The following UQCC4 variants were observed in gnomAD, a reference collection of about 807,000 sequenced individuals.
The protein encoded by UQCC4 is ubiquinol-cytochrome c reductase complex assembly factor 4, also known as cattle cerebrum and skeletal muscle-specific protein 1 family member.
the UQCC4 span, chr16:1,420,634 G>A: frequency 1.3e-6 from 2 of 1,550,878 alleles, no homozygotes; most frequent in Non-Finnish European, 1.7e-6. Context: ...AGAGCAGTAA[G>A]CGCTCCGCCC....
the UQCC4 span, chr16:1,420,707 C>G: frequency 6.5e-7 from 1 of 1,542,754 alleles, no homozygotes; most frequent in East Asian, 2.4e-5. Flanking sequence ...CGCCGGGGCA[C>G]ACAAGACACG....
the UQCC4 span, chr16:1,420,282 C>G: frequency 6.2e-7 from 1 of 1,614,034 alleles, no homozygotes; most frequent in Non-Finnish European, 8.5e-7. Flanking sequence ...GAGTCTCAGG[C>G]TCCTCAGAAC....
the UQCC4 span, chr16:1,420,293 G>A: frequency 1.9e-6 from 3 of 1,614,128 alleles, no homozygotes; most frequent in Non-Finnish European, 2.5e-6. Context: ...TCCTCAGAAC[G>A]ATCACTGGGC....
chr16:1,419,902 A>G, the UQCC4 span: 1 of 1,426,386 alleles, frequency 7.0e-7, no homozygotes, highest in Non-Finnish European at 9.4e-7. Context: ...GCAAACTAAC[A>G]CTGGATGACA....
At chr16:1,419,756 A>G in the UQCC4 span, 10 of 489,690 alleles carry the variant, frequency 2.0e-5, no homozygotes, top group African/African-American at 1.2e-4. Flanking sequence ...ATCTAATCCC[A>G]TATTATAAAA....
the UQCC4 span, chr16:1,419,754 C>T: frequency 1.5e-5 from 7 of 472,852 alleles, no homozygotes; most frequent in Non-Finnish European, 2.3e-5. Flanking sequence ...TCATCTAATC[C>T]CATATTATAA....
the UQCC4 span, chr16:1,420,119 C>G: frequency 6.2e-7 from 1 of 1,613,302 alleles, no homozygotes; most frequent in East Asian, 2.2e-5. Context: ...GCCAAGTGCC[C>G]CATCCACCAG....
the UQCC4 span, chr16:1,420,715 A>G: frequency 4.5e-6 from 7 of 1,541,108 alleles, no homozygotes; most frequent in Admixed American, 2.0e-5. Context: ...CACACAAGAC[A>G]CGATTCATTG....
the UQCC4 span, chr16:1,420,172 T>A: frequency 4.3e-6 from 7 of 1,614,076 alleles, no homozygotes; most frequent in Middle Eastern, 1.6e-4. Flanking sequence ...GCCAGGACAG[T>A]CACGGGCAAA....
chr16:1,420,487 G>A, the UQCC4 span: 2 of 1,614,276 alleles, frequency 1.2e-6, no homozygotes, highest in South Asian at 2.2e-5. Context: ...TTTGCTGGAG[G>A]AAAACTCAAT....
the UQCC4 span, chr16:1,420,198 G>A: frequency 8.7e-6 from 14 of 1,614,004 alleles, no homozygotes; most frequent in Non-Finnish European, 1.1e-5. Flanking sequence ...CATCAAATCC[G>A]AAGGGCGGCT....
chr16:1,419,939 A>G, the UQCC4 span: 3 of 1,500,974 alleles, frequency 2.0e-6, no homozygotes, highest in South Asian at 3.4e-5. Context: ...CTTTGGAAAC[A>G]TGATTATGTT....
At chr16:1,420,060 A>G in the UQCC4 span, 2 of 1,612,632 alleles carry the variant, frequency 1.2e-6, no homozygotes, top group Non-Finnish European at 1.7e-6. Flanking sequence ...GGCGAGGAGC[A>G]GTTTCCGATC....
the UQCC4 span, chr16:1,420,211 C>T: frequency 6.2e-7 from 1 of 1,613,716 alleles, no homozygotes. Flanking sequence ...GGGCGGCTGT[C>T]GGCTCCCTTC....
chr16:1,420,299 TG>T, the UQCC4 span: 3 of 1,614,024 alleles, frequency 1.9e-6, no homozygotes, highest in African/African-American at 4.0e-5. Context: ...GAACGATCAC[TG>T]GGCTCTGGCA....
At chr16:1,420,698 G>A in the UQCC4 span, 4 of 1,544,348 alleles carry the variant, frequency 2.6e-6, no homozygotes, top group Non-Finnish European at 2.6e-6. Context: ...TCACCCGGCC[G>A]CCGGGGCACA....
the UQCC4 span, chr16:1,420,189 A>G: frequency 6.2e-7 from 1 of 1,614,028 alleles, no homozygotes; most frequent in Non-Finnish European, 8.5e-7. Flanking sequence ...CAAACGTGAC[A>G]TCAAATCCGA....
the UQCC4 span, chr16:1,420,362 G>A: frequency 3.1e-6 from 5 of 1,614,106 alleles, no homozygotes; most frequent in African/African-American, 4.0e-5. Context: ...TCCTCCCTCA[G>A]GTAGCACCAG....
At chr16:1,420,097 C>A in the UQCC4 span, 2 of 1,613,256 alleles carry the variant, frequency 1.2e-6, no homozygotes, top group South Asian at 2.2e-5. Flanking sequence ...CGCCTTCACG[C>A]GAATCAGCAT....
Sources: allele counts gnomAD v4.1 joint callset, GRCh38; gene constraint gnomAD v4.1.1; transcripts MANE v1.5; gene names NCBI Gene and HGNC (gene_info 2026-07-23, HGNC 2026-07-21).